Variants in ZNF607 observed in about 807,000 individuals in gnomAD.
The protein encoded by ZNF607 is zinc finger protein 607.
In ZNF607, 5 loss-of-function variants were observed where a neutral mutation model predicts 12.8. The ratio of observed to expected loss-of-function variants is 0.39; its 90% CI spans 0.20 to 0.82. The LOEUF (loss-of-function observed/expected upper bound fraction) is 0.82. Ranked by LOEUF, ZNF607 falls within the 40% of genes least tolerant of loss-of-function variation. The probability of loss-of-function intolerance (pLI) is 0.39; values close to 1 mark genes in which losing one functional copy is unlikely to be tolerated. For missense variants in ZNF607, 851 were observed against 859.2 expected, an observed-to-expected ratio of 0.99 and a Z score of 0.12; for synonymous variants, 287 against 276.2, an observed-to-expected ratio of 1.04 and a Z score of -0.39.
At position 37,697,729 on chromosome 19, in the gene ZNF607, G is replaced by A. The variant is rs2044988922; in HGVS notation, c.*311C>T. The stretch of plus-strand genomic sequence containing the variant: ...GCAAGTATAAAGAATGGTTTCCTAC[G>A]TTTTCTCAGTTTTCCTCTACTGTGA... On this transcript the variant is annotated 3_prime_UTR_variant, in exon 5 of 5. Coordinates refer to ENST00000355202, the MANE Select transcript of ZNF607 (RefSeq NM_032689.5). 6.5e-6 allele frequency: 2 copies of A among 305,468 alleles called. No homozygotes were observed. The highest frequency in any genetic ancestry group is 1.2e-5 in the Non-Finnish European group (2 of 165,976). The allele number at this position is 305,468 out of a possible 1,614,324, so 18.9% of individuals were successfully genotyped here. A position where few individuals can be genotyped will look rare whatever the true frequency, so the allele number is the denominator to read the frequency against.
chr19:37,711,538 A>G (rs1469445671), intron 2 of ZNF607, 72 bp downstream of exon 2: 11 of 1,531,934 alleles, frequency 7.2e-6, no homozygotes, highest in Non-Finnish European at 9.9e-6. Flanking sequence ...ACTTCAGGAA[A>G]AATGATGAGA....
intron 4 of ZNF607, among the ~76,000 whole-genome samples, chr19:37,707,247 G>A (rs3112434): frequency 1.3e-5 from 2 of 151,952 alleles, no homozygotes; most frequent in African/African-American, 2.4e-5. Flanking sequence ...ATCTTGGCAC[G>A]TTGGGAGGCT....
intron 1 of ZNF607, among the ~76,000 whole-genome samples, chr19:37,713,381 T>C (rs183666084): frequency 3.6e-4 from 55 of 152,190 alleles, no homozygotes; most frequent in Non-Finnish European, 4.6e-4. Context: ...GATTGTCCCA[T>C]TTCAAATACT....
intron 4 of ZNF607, among the ~76,000 whole-genome samples, chr19:37,702,669 G>C (rs933753550): frequency 1.3e-5 from 2 of 152,084 alleles, no homozygotes; most frequent in African/African-American, 4.8e-5. Flanking sequence ...TGCTCCTTAA[G>C]TTCTTTAATA....
Position 37,699,318 on chromosome 19 carries a change from A to T in ZNF607, c.813T>A (p.His271Gln). The T allele has an allele frequency of 6.2e-7, 1 of 1,613,754 alleles. No homozygotes were observed. Among genetic ancestry groups the T allele is most frequent in the Non-Finnish European group, 8.5e-7 (1 of 1,179,942 alleles). The change falls in exon 5 of 5, where the codon CAT becomes CAA. Residue 271 changes from histidine (H) to glutamine (Q), a missense_variant. By Grantham distance (24) the His-to-Gln change is conservative (BLOSUM62 0). Coordinates refer to ENST00000355202, the MANE Select transcript of ZNF607 (RefSeq NM_032689.5). ...SFRLKAGLKV[H>Q]QSIHTGEKPH... Reference sequence around the variant, plus strand: ...GCTTCTCTCCAGTATGAATACTCTGATGTACTTTAAGGCCTGCTTTGAGCC... The same window carrying T: ...GCTTCTCTCCAGTATGAATACTCTGTTGTACTTTAAGGCCTGCTTTGAGCC...
In ZNF607 at chr19:37,707,924, T is replaced by G. The variant is rs2045099755; in HGVS notation, c.225A>C (p.Gly75=). 6.2e-7 allele frequency: 1 copy of G among 1,613,756 alleles called. No homozygotes were observed. Among genetic ancestry groups the G allele is most frequent in the Admixed American group, 1.7e-5 (1 of 59,958 alleles). ...CTGACTTGCTCTTACCTGTACACTC[T>G]CCTCTTGTTTCTTCCCTCACAATCA... ...PWMIVREETR[G]ECTDLDSRCE... Residue 75 remains glycine, a synonymous_variant, in exon 4 of 5, where the codon GGA becomes GGC. Transcript: ENST00000355202.
chr19:37,704,334 A>T (rs747195069), intron 4 of ZNF607, among the ~76,000 whole-genome samples: 3 of 152,202 alleles, frequency 2.0e-5, no homozygotes, highest in Non-Finnish European at 4.4e-5. Context: ...CCCATGTGGA[A>T]TATTTGCCAA....
chr19:37,709,667 T>C (rs1386763603), intron 3 of ZNF607, 29 bp downstream of exon 3: 1 of 1,605,206 alleles, frequency 6.2e-7, no homozygotes, highest in Non-Finnish European at 8.5e-7. Flanking sequence ...TCTAAATTAT[T>C]CTAAATCATT....
intron 1 of ZNF607, among the ~76,000 whole-genome samples, chr19:37,715,679 C>T (rs2045171175): frequency 6.6e-6 from 1 of 151,084 alleles, no homozygotes; most frequent in African/African-American, 2.4e-5. Context: ...GTACAGAAAA[C>T]AAGGAAGATA....
chr19:37,718,849 C>G (rs765728722), intron 1 of ZNF607, among the ~76,000 whole-genome samples: 13 of 152,050 alleles, frequency 8.5e-5, no homozygotes, highest in Non-Finnish European at 1.3e-4. Context: ...CTATAAATTC[C>G]CACTTGTTCA....
In ZNF607 at chr19:37,708,828, A is replaced by C. The variant is rs145903933; in HGVS notation, c.137-816T>G. ...GCACCACAGCACTCCAGCCTGGGTG[A>C]CAGAAGACTCTGTCTCAAAAAAAAA... On this transcript the variant is annotated intron_variant, in intron 3 of 4. Coordinates refer to ENST00000355202, the MANE Select transcript of ZNF607 (RefSeq NM_032689.5). Among the ~76,000 whole-genome samples, 869 of 140,660 alleles carry C rather than the reference A, an allele frequency of 6.2e-3. 10 individuals carry two copies. Among genetic ancestry groups the C allele is most frequent in the African/African-American group, 0.022 (820 of 37,798 alleles). The allele number at this position is 140,660 out of a possible 152,430, so 92.3% of individuals were successfully genotyped here.
chr19:37,698,929 G>A lies in ZNF607; in HGVS notation c.1202C>T (p.Ser401Phe). ...TTTAAGGGATGAATTGAGCCTAAAG[G>A]ACTTCCCACATTTGTTACATTCATA... ...KPYECNKCGK[S>F]FRLNSSLKIH... Residue 401 changes from serine (S) to phenylalanine (F), a missense_variant, in exon 5 of 5, where the codon TCC (serine) becomes TTC (phenylalanine). Coordinates refer to ENST00000355202, the MANE Select transcript of ZNF607 (RefSeq NM_032689.5). 6.2e-7 allele frequency: 1 copy of A among 1,614,030 alleles called. No homozygotes were observed. Among genetic ancestry groups the A allele is most frequent in the Non-Finnish European group, 8.5e-7 (1 of 1,179,996 alleles).
chr19:37,696,686 G>T lies in ZNF607; in HGVS notation c.*1354C>A. On this transcript the variant is annotated 3_prime_UTR_variant, in exon 5 of 5. Transcript: ENST00000355202. ...CAGGTGATGTTCCGAGAGCATGAGA[G>T]CTGGTATGCAATGTCTTCTGCAGCT... The T allele has an allele frequency of 1.4e-6, 1 of 730,874 alleles. No individual in the cohort carries two copies. Among genetic ancestry groups the T allele is most frequent in the Non-Finnish European group, 2.5e-6 (1 of 405,418 alleles). The allele number at this position is 730,874 out of a possible 1,614,324, so 45.3% of individuals were successfully genotyped here. A position where few individuals can be genotyped will look rare whatever the true frequency, so the allele number is the denominator to read the frequency against.
intron 1 of ZNF607, among the ~76,000 whole-genome samples, chr19:37,716,058 T>G (rs2045173996): frequency 6.6e-6 from 1 of 152,190 alleles, no homozygotes; most frequent in African/African-American, 2.4e-5. Context: ...TAGCTCCCTC[T>G]CCTCTTAAAA....
chr19:37,713,122 G>A (rs2045145715), intron 1 of ZNF607, among the ~76,000 whole-genome samples: 1 of 151,576 alleles, frequency 6.6e-6, no homozygotes, highest in South Asian at 2.1e-4. Flanking sequence ...AAAACTACAA[G>A]GTTTAAAAGA....
chr19:37,714,578 A>G (rs2045160265), intron 1 of ZNF607, among the ~76,000 whole-genome samples: 1 of 151,562 alleles, frequency 6.6e-6, no homozygotes, highest in African/African-American at 2.4e-5. Flanking sequence ...AAAAAAAAAA[A>G]AAAAAAGTAT....
intron 1 of ZNF607, 93 bp from the exon 2 acceptor site, chr19:37,711,785 T>C (rs1055007289): frequency 2.1e-5 from 13 of 608,528 alleles, no homozygotes; most frequent in Non-Finnish European, 3.8e-5. Context: ...CATTCCAAGT[T>C]ACAAACTACC....
At chr19:37,706,253 GA>G (rs2045082758) in intron 4 of ZNF607, 1 of 151,044 alleles carries the variant, frequency 6.6e-6, no homozygotes, top group Non-Finnish European at 1.5e-5. Context: ...GAAGAAAAAG[GA>G]GAGGAAAAAG....
chr19:37,707,630 G>A (rs536209316), intron 4 of ZNF607, among the ~76,000 whole-genome samples: 3 of 152,166 alleles, frequency 2.0e-5, no homozygotes, highest in African/African-American at 4.8e-5. Flanking sequence ...AGCCAGGTGT[G>A]GTGGTATGCA....
Sources: gnomAD v4.1 joint callset for allele counts (sites outside exome capture counted in the v4.1 genomes callset) on GRCh38, gnomAD v4.1.1 for gene constraint, MANE v1.5 for transcripts, NCBI Gene and HGNC (gene_info 2026-07-23, HGNC 2026-07-21) for gene names.